Variants in TNRC6B observed in about 807,000 individuals in gnomAD.
TNRC6B encodes the protein trinucleotide repeat containing adaptor 6B, also known as trinucleotide repeat-containing gene 6B protein.
In TNRC6B, 52 loss-of-function variants were observed where a neutral mutation model predicts 203.6. The ratio of observed to expected loss-of-function variants is 0.26; its 90% CI spans 0.20 to 0.32. The LOEUF (loss-of-function observed/expected upper bound fraction) is 0.32, where lower values mean the gene tolerates loss of function less well. Among genes scored for constraint, TNRC6B ranks in the 10% least tolerant of loss-of-function variants. The probability of loss-of-function intolerance (pLI) is 1.00; values close to 1 mark genes in which losing one functional copy is unlikely to be tolerated. For synonymous variants in TNRC6B, 838 were observed against 845.7 expected, an observed-to-expected ratio of 0.99 and a Z score of 0.16; for missense variants, 1,923 against 2,286.2, an observed-to-expected ratio of 0.84 and a Z score of 3.24.
At chr22:40,191,259 G>A (rs1315469959) in intron 1 of TNRC6B, among the ~76,000 whole-genome samples, 1 of 152,124 alleles carries the variant, frequency 6.6e-6, no homozygotes. Flanking sequence ...ATTGGTAAAG[G>A]GATAGTAATA....
At chr22:40,257,740 C>T (rs905452601) in intron 3 of TNRC6B, among the ~76,000 whole-genome samples, 2 of 147,872 alleles carry the variant, frequency 1.4e-5, no homozygotes, top group Non-Finnish European at 3.0e-5. Flanking sequence ...AATGAATGGA[C>T]GGCCAGGTGC....
At chr22:40,321,286 G>A in intron 22 of TNRC6B, 57 bp downstream of exon 22, 2 of 1,583,302 alleles carry the variant, frequency 1.3e-6, no homozygotes, top group East Asian at 2.3e-5. Context: ...GCACCCGTGA[G>A]TATTCTGGCA....
intron 1 of TNRC6B, among the ~76,000 whole-genome samples, chr22:40,204,546 G>A (rs538975227): frequency 5.9e-5 from 9 of 152,322 alleles, no homozygotes; most frequent in African/African-American, 2.2e-4. Context: ...ACTAGCGAGC[G>A]TAAATTTTAT....
At chr22:40,156,924 G>A (rs894403462) in intron 4 of TNRC6B, among the ~76,000 whole-genome samples, 4 of 148,880 alleles carry the variant, frequency 2.7e-5, no homozygotes, top group African/African-American at 7.4e-5. Flanking sequence ...ACAGTTGCCC[G>A]CCACCACACC....
At chr22:40,094,138 T>C (rs925920020) in intron 1 of TNRC6B, among the ~76,000 whole-genome samples, 1 of 152,186 alleles carries the variant, frequency 6.6e-6, no homozygotes, top group Non-Finnish European at 1.5e-5. Flanking sequence ...ATGACAGTAG[T>C]ACTTACTTCA....
chr22:40,098,740 T>A (rs1164532863), intron 1 of TNRC6B, among the ~76,000 whole-genome samples: 1 of 152,098 alleles, frequency 6.6e-6, no homozygotes, highest in East Asian at 1.9e-4. Flanking sequence ...TTAGTTTTTT[T>A]ATTTTAAGAG....
chr22:40,254,517 C>G (rs192089135), intron 3 of TNRC6B, among the ~76,000 whole-genome samples: 1 of 152,182 alleles, frequency 6.6e-6, no homozygotes, highest in African/African-American at 2.4e-5. Context: ...AAGACCTTGT[C>G]TCAAAAACAA....
At chr22:40,232,046 G>C (rs9619854) in intron 1 of TNRC6B, among the ~76,000 whole-genome samples, 11,049 of 152,190 alleles carry the variant, frequency 0.073, 1,242 homozygotes, top group African/African-American at 0.24. Context: ...AGGAGAGGTG[G>C]TGATGGCAGT....
At chr22:40,222,807 A>G (rs5750905) in intron 1 of TNRC6B, among the ~76,000 whole-genome samples, 45,388 of 129,294 alleles carry the variant, frequency 0.35, 8,955 homozygotes, top group East Asian at 0.58. Context: ...GCGGTGGCAT[A>G]TCAGCTCACT....
At chr22:40,176,443 A>G (rs984700435), upstream of TNRC6B, among the ~76,000 whole-genome samples, 16 of 151,910 alleles carry the variant, frequency 1.1e-4, no homozygotes, top group Admixed American at 4.6e-4. Flanking sequence ...GCTTTTTACC[A>G]TTTTAGTTAC....
At chr22:40,298,357 T>C (rs781196844) in intron 12 of TNRC6B, among the ~76,000 whole-genome samples, 137 of 152,288 alleles carry the variant, frequency 9.0e-4, no homozygotes, top group Non-Finnish European at 1.6e-3. Flanking sequence ...TACTTGGTGT[T>C]AGACTACTCT....
At chr22:40,254,688 C>T (rs956089094) in intron 3 of TNRC6B, among the ~76,000 whole-genome samples, 2 of 152,088 alleles carry the variant, frequency 1.3e-5, no homozygotes, top group Admixed American at 6.5e-5. Flanking sequence ...GAGATCGAGA[C>T]CTTCCTGGCT....
intron 5 of TNRC6B, 120 bp from the exon 6 acceptor site, chr22:40,270,002 A>G (rs2070536510): frequency 3.0e-6 from 3 of 986,866 alleles, no homozygotes; most frequent in East Asian, 3.1e-5. Flanking sequence ...TGAAAGTTGA[A>G]TCTATTTACA....
At chr22:40,297,460 A>C (rs1211160060) in intron 12 of TNRC6B, among the ~76,000 whole-genome samples, 1 of 152,216 alleles carries the variant, frequency 6.6e-6, no homozygotes, top group Non-Finnish European at 1.5e-5. Context: ...ATAGATATTT[A>C]TGGAGCATCT....
chr22:40,268,151 G>A (rs1224109269), intron 5 of TNRC6B, among the ~76,000 whole-genome samples: 4 of 152,058 alleles, frequency 2.6e-5, no homozygotes, highest in Middle Eastern at 3.2e-3. Context: ...GCAGTGGCAC[G>A]ATCTCGGCTC....
At chr22:40,223,509 C>T (rs1410634871) in intron 1 of TNRC6B, among the ~76,000 whole-genome samples, 1 of 152,106 alleles carries the variant, frequency 6.6e-6, no homozygotes, top group South Asian at 2.1e-4. Flanking sequence ...CCTTTTCTTA[C>T]GTACATGATA....
At chr22:40,164,760 C>CAAAA (rs550507661) in intron 4 of TNRC6B, among the ~76,000 whole-genome samples, 2 of 90,352 alleles carry the variant, frequency 2.2e-5, no homozygotes, top group Non-Finnish European at 4.1e-5. Flanking sequence ...AATTCTGTCT[C>CAAAA]AAAAAAAAAA....
chr22:40,251,208 C>CTT lies in TNRC6B; in HGVS notation c.115+15_115+16dup. ...CGGAACAAAAAACCAAAGGTAAGAT[C>CTT]TTTTTTTTCTTTTTAAATTATTTAG... On this transcript the variant is annotated intron_variant, in intron 3 of 22. Coordinates refer to ENST00000454349, the MANE Select transcript of TNRC6B (RefSeq NM_001162501.2). The CTT allele has an allele frequency of 6.6e-7, 1 of 1,524,042 alleles. No homozygotes were observed. The highest frequency in any genetic ancestry group is 8.8e-7 in the Non-Finnish European group (1 of 1,130,502). 94.4% of individuals were successfully genotyped at this position (1,524,042 alleles called of 1,614,324 possible). A position where few individuals can be genotyped will look rare whatever the true frequency, so the allele number is the denominator to read the frequency against.
chr22:40,194,686 G>A (rs1485619665), intron 1 of TNRC6B, among the ~76,000 whole-genome samples: 1 of 152,184 alleles, frequency 6.6e-6, no homozygotes, highest in Non-Finnish European at 1.5e-5. Flanking sequence ...TCACAATTGG[G>A]AAAGGCTTTA....
Sources: gnomAD v4.1 joint callset for allele counts (sites outside exome capture counted in the v4.1 genomes callset) on GRCh38, gnomAD v4.1.1 for gene constraint, MANE v1.5 for transcripts, NCBI Gene and HGNC (gene_info 2026-07-23, HGNC 2026-07-21) for gene names.